The following KCNQ1 variants were observed in gnomAD, a reference collection of about 807,000 sequenced individuals.
KCNQ1 encodes the protein potassium voltage-gated channel subfamily KQT member 1.
In KCNQ1, 49 loss-of-function variants were observed where a neutral mutation model predicts 72.4. The ratio of observed to expected loss-of-function variants is 0.68; its 90% CI spans 0.54 to 0.86. The LOEUF (loss-of-function observed/expected upper bound fraction) is 0.86, where lower values mean the gene tolerates loss of function less well. KCNQ1 is among the 40% of genes least tolerant of loss of function. The probability of loss-of-function intolerance (pLI) is 0.00; values close to 1 mark genes in which losing one functional copy is unlikely to be tolerated. For missense variants in KCNQ1, 790 were observed against 945.1 expected (o/e 0.84, Z 2.15); for synonymous variants, 450 against 412.6 (o/e 1.09, Z -1.10).
At chr11:2,500,561 A>G (rs1039055860) in intron 1 of KCNQ1, among the ~76,000 whole-genome samples, 10 of 152,220 alleles carry the variant, frequency 6.6e-5, no homozygotes, top group Non-Finnish European at 2.9e-5. Context: ...TGTATTATAA[A>G]GACACATGCA....
intron 11 of KCNQ1, among the ~76,000 whole-genome samples, chr11:2,763,455 C>G: frequency 6.6e-6 from 1 of 151,036 alleles, no homozygotes; most frequent in Non-Finnish European, 1.5e-5. Flanking sequence ...GAAAGCAAGA[C>G]AGTAAAGAAG....
Position 2,677,941 on chromosome 11 carries a change from G to A in KCNQ1, c.1514+15860G>A, listed in dbSNP as rs1850322436. On this transcript the variant is annotated intron_variant, in intron 11 of 15. Coordinates refer to ENST00000155840, the MANE Select transcript of KCNQ1 (RefSeq NM_000218.3). This position sits in a 1 kb window ranked among gnomAD's most constrained non-coding sequence, Gnocchi z 4.5. ...TTATCTTCATTCATTTCATAGATGA[G>A]AAATGGTACACTGGAGCTTTAATTT... 1 of 398,408 alleles carries A rather than the reference G, an allele frequency of 2.5e-6. No individual in the cohort carries two copies. Among genetic ancestry groups the A allele is most frequent in the African/African-American group, 2.1e-5 (1 of 48,612 alleles). The allele number at this position is 398,408 out of a possible 1,614,324, so 24.7% of individuals were successfully genotyped here. A position where few individuals can be genotyped will look rare whatever the true frequency, so the allele number is the denominator to read the frequency against.
At position 2,471,324 on chromosome 11, in the gene KCNQ1, C is replaced by G. The variant is rs1056635059; in HGVS notation, c.386+25840C>G. Among the ~76,000 whole-genome samples the G allele has an allele frequency of 6.6e-6, 1 of 151,910 alleles. No individual in the cohort carries two copies. The highest frequency in any genetic ancestry group is 2.4e-5 in the African/African-American group (1 of 41,324). Reference sequence around the variant, plus strand: ...GTACCCCAAATGCTGCTTGCTTCTCCCGCCCTCCTCCCTCTCCCCATCTGC... The same window carrying G: ...GTACCCCAAATGCTGCTTGCTTCTCGCGCCCTCCTCCCTCTCCCCATCTGC... On this transcript the variant is annotated intron_variant, in intron 1 of 15. Transcript: ENST00000155840. The surrounding 1 kb of genome is among the most constrained non-coding windows in gnomAD (Gnocchi z 4.8).
Position 2,690,345 on chromosome 11 carries a change from G to A in KCNQ1, c.1514+28264G>A, listed in dbSNP as rs1850568108. ...ATGATGTCAAGTCTGAGGCTGCCCT[G>A]CAGCTGCTGTTTCCACTACTTGGCA... On this transcript the variant is annotated intron_variant, in intron 11 of 15. Coordinates refer to ENST00000155840, the MANE Select transcript of KCNQ1 (RefSeq NM_000218.3). The surrounding 1 kb of genome is among the most constrained non-coding windows in gnomAD (Gnocchi z 5.1). The A allele has an allele frequency of 2.5e-6, 1 of 398,708 alleles. No individual in the cohort carries two copies. The highest frequency in any genetic ancestry group is 4.4e-6 in the Non-Finnish European group (1 of 226,112). The allele number at this position is 398,708 out of a possible 1,614,324, so 24.7% of individuals were successfully genotyped here. A position where few individuals can be genotyped will look rare whatever the true frequency, so the allele number is the denominator to read the frequency against.
intron 10 of KCNQ1, chr11:2,643,159 A>T (rs1849606061): frequency 2.5e-6 from 1 of 398,170 alleles, no homozygotes; most frequent in Non-Finnish European, 4.4e-6. Flanking sequence ...ACTGGTCTGT[A>T]AATGTCTGTT....
In KCNQ1 at chr11:2,647,378, A is replaced by G. The variant is rs998336976; in HGVS notation, c.1394-14583A>G. The G allele has an allele frequency of 4.5e-5, 18 of 398,252 alleles. No homozygotes were observed. Among genetic ancestry groups the G allele is most frequent in the Non-Finnish European group, 6.6e-5 (15 of 225,996 alleles). 24.7% of individuals were successfully genotyped at this position (398,252 alleles called of 1,614,324 possible). A position where few individuals can be genotyped will look rare whatever the true frequency, so the allele number is the denominator to read the frequency against. On this transcript the variant is annotated intron_variant, in intron 10 of 15. Transcript: ENST00000155840. The surrounding 1 kb of genome is among the most constrained non-coding windows in gnomAD (Gnocchi z 4.0). ...GATGTGCGATTGGATTCAGATTGCTAGTTTGTGTGTCTGTGTGTGTGTTTT... is the reference window on the plus strand; with the variant it reads ...GATGTGCGATTGGATTCAGATTGCTGGTTTGTGTGTCTGTGTGTGTGTTTT...
At position 2,720,232 on chromosome 11, in the gene KCNQ1, C is replaced by T. The variant is rs1851179439; in HGVS notation, c.1515-48612C>T. ...GTGTAAAGAATCGAGAAGCCAAGTGCCCTTGCCATTTGTTATCTTTAAAAA... is the reference window on the plus strand; with the variant it reads ...GTGTAAAGAATCGAGAAGCCAAGTGTCCTTGCCATTTGTTATCTTTAAAAA... On this transcript the variant is annotated intron_variant, in intron 11 of 15. Transcript: ENST00000155840. This position sits in a 1 kb window ranked among gnomAD's most constrained non-coding sequence, Gnocchi z 5.1. Among the ~76,000 whole-genome samples, 1 of 152,170 alleles carries T rather than the reference C, an allele frequency of 6.6e-6. No individual in the cohort carries two copies. The highest frequency in any genetic ancestry group is 6.5e-5 in the Admixed American group (1 of 15,284).
chr11:2,449,809 T>C (rs1000124319), intron 1 of KCNQ1, among the ~76,000 whole-genome samples: 1 of 152,168 alleles, frequency 6.6e-6, no homozygotes, highest in Non-Finnish European at 1.5e-5. Context: ...TAGGCTGGTT[T>C]CAAGTCTGCT....
chr11:2,705,117 A>G (rs535351283), intron 11 of KCNQ1, among the ~76,000 whole-genome samples: 2 of 152,302 alleles, frequency 1.3e-5, no homozygotes, highest in African/African-American at 4.8e-5. Flanking sequence ...CTCAGCCCCC[A>G]TGCAAGAGCA....
rs896759733 is a variant in KCNQ1, at chr11:2,817,290, G to A, written c.1795-30477G>A. ...GTTGCAGTCAGATGTTTTTAACTAC[G>A]TTGGACAGAACCCACGGCGGCCCTT... On this transcript the variant is annotated intron_variant, in intron 15 of 15. Coordinates refer to ENST00000155840, the MANE Select transcript of KCNQ1 (RefSeq NM_000218.3). This position sits in a 1 kb window ranked among gnomAD's most constrained non-coding sequence, Gnocchi z 6.1. 6.6e-6 allele frequency among the ~76,000 whole-genome samples: 1 copy of A among 152,276 alleles called. No homozygotes were observed. Among genetic ancestry groups the A allele is most frequent in the South Asian group, 2.1e-4 (1 of 4,822 alleles).
At chr11:2,755,143 C>T (rs571768213) in intron 11 of KCNQ1, among the ~76,000 whole-genome samples, 1 of 152,234 alleles carries the variant, frequency 6.6e-6, no homozygotes, top group African/African-American at 2.4e-5. Context: ...TAGCCCCTTC[C>T]TCTATCTTCA....
At chr11:2,574,057 A>G (rs2283171) in intron 6 of KCNQ1, among the ~76,000 whole-genome samples, 63,999 of 152,084 alleles carry the variant, frequency 0.42, 16,552 homozygotes, top group African/African-American at 0.71. Context: ...TTATATATGC[A>G]TGGAGCTCAA....
rs1390415924 is a variant in KCNQ1 at position 2,674,621 on chromosome 11, A to G, written c.1514+12540A>G. The G allele has an allele frequency of 5.0e-6, 2 of 398,526 alleles. No homozygotes were observed. Among genetic ancestry groups the G allele is most frequent in the Non-Finnish European group, 8.8e-6 (2 of 226,084 alleles). 24.7% of individuals were successfully genotyped at this position (398,526 alleles called of 1,614,324 possible). A position where few individuals can be genotyped will look rare whatever the true frequency, so the allele number is the denominator to read the frequency against. ...ATAGGCTCTGGCTTAAAACAGTCAC[A>G]GCGAAACATGCCTTTGAATTGGAAA... On this transcript the variant is annotated intron_variant, in intron 11 of 15. Transcript: ENST00000155840. The surrounding 1 kb of genome is among the most constrained non-coding windows in gnomAD (Gnocchi z 5.9).
At position 2,624,438 on chromosome 11, in the gene KCNQ1, A is replaced by G. The variant is rs1226651243; in HGVS notation, c.1393+35584A>G. The G allele has an allele frequency of 1.3e-5, 5 of 398,358 alleles. No homozygotes were observed. The highest frequency in any genetic ancestry group is 4.4e-6 in the Non-Finnish European group (1 of 226,006). 24.7% of individuals were successfully genotyped at this position (398,358 alleles called of 1,614,324 possible). A position where few individuals can be genotyped will look rare whatever the true frequency, so the allele number is the denominator to read the frequency against. On this transcript the variant is annotated intron_variant, in intron 10 of 15. Transcript: ENST00000155840. This position sits in a 1 kb window ranked among gnomAD's most constrained non-coding sequence, Gnocchi z 4.9. ...ATTTTTAACAAAGTCTAGCTTATCA[A>G]TTATTTCTTTCATGAATCATGCCTT...
rs1285500339 is a variant in KCNQ1 at position 2,645,747 on chromosome 11, AG to A, written c.1394-16211del. On this transcript the variant is annotated intron_variant, in intron 10 of 15. Transcript: ENST00000155840. This position sits in a 1 kb window ranked among gnomAD's most constrained non-coding sequence, Gnocchi z 5.8. ...GTGTAAGGGATGTCCATGGGGCTCC[AG>A]GGATGAGATAGAGGGATGTGGGGCC... 27 of 398,720 alleles carry A rather than the reference AG, an allele frequency of 6.8e-5. No individual in the cohort carries two copies. Among genetic ancestry groups the A allele is most frequent in the Non-Finnish European group, 1.1e-4 (24 of 226,262 alleles). 24.7% of individuals were successfully genotyped at this position (398,720 alleles called of 1,614,324 possible). A position where few individuals can be genotyped will look rare whatever the true frequency, so the allele number is the denominator to read the frequency against.
chr11:2,588,836 G>A lies in KCNQ1; in HGVS notation c.1375G>A (p.Asp459Asn), dbSNP rs747704276. ...EERRLDHFSVDGYDSSVRKSP... is the reference protein window; with the variant it reads ...EERRLDHFSVNGYDSSVRKSP... ...GCGGCGGCTGGACCACTTCTCTGTCGACGGCTATGACAGTTCTGGTGAGAA... is the reference window on the plus strand; with the variant it reads ...GCGGCGGCTGGACCACTTCTCTGTCAACGGCTATGACAGTTCTGGTGAGAA... The change falls in exon 10 of 16, where the codon GAC (aspartate) becomes AAC (asparagine). Residue 459 changes from aspartate (D) to asparagine (N), a missense_variant. Asp to Asn is a conservative substitution (Grantham distance 23). Around this residue, in one of 5 missense-constraint regions of KCNQ1, gnomAD observed 178 missense variants for 177.9 expected, o/e 1.00. Transcript: ENST00000155840. This position sits in a 1 kb window ranked among gnomAD's most constrained non-coding sequence, Gnocchi z 5.6. The A allele has an allele frequency of 2.5e-5, 41 of 1,612,032 alleles. No homozygotes were observed. Among genetic ancestry groups the A allele is most frequent in the South Asian group, 5.5e-5 (5 of 90,974 alleles).
intron 11 of KCNQ1, chr11:2,666,236 G>C: frequency 2.5e-6 from 1 of 398,676 alleles, no homozygotes; most frequent in Non-Finnish European, 4.4e-6. Flanking sequence ...GGCCCATTGA[G>C]ATGGGCATGG....
rs12281297 is a variant in KCNQ1 at position 2,847,518 on chromosome 11, A to G, written c.1795-249A>G. On this transcript the variant is annotated intron_variant, in intron 15 of 15. Coordinates refer to ENST00000155840, the MANE Select transcript of KCNQ1 (RefSeq NM_000218.3). ...CCTGAGCCTGAATGCCTGTGGACAC[A>G]TATAGGGACTCCCAGCACGCACGGG... Among the ~76,000 whole-genome samples the G allele has an allele frequency of 0.032, 4,890 of 152,298 alleles. 271 individuals carry two copies. Among genetic ancestry groups the G allele is most frequent in the African/African-American group, 0.11 (4,619 of 41,550 alleles).
In KCNQ1 at chr11:2,824,545, G is replaced by A. The variant is rs184239793; in HGVS notation, c.1795-23222G>A. Among the ~76,000 whole-genome samples the A allele has an allele frequency of 6.6e-5, 10 of 152,306 alleles. No homozygotes were observed. The highest frequency in any genetic ancestry group is 2.1e-4 in the South Asian group (1 of 4,824). On this transcript the variant is annotated intron_variant, in intron 15 of 15. Transcript: ENST00000155840. The surrounding 1 kb of genome is among the most constrained non-coding windows in gnomAD (Gnocchi z 5.9). ...AGTTTAGGCTGCAAGGCTCAGCAGG[G>A]AGATTGGAGCTGAAAACAGAGGCTG...
Sources: allele counts gnomAD v4.1 joint callset (sites outside exome capture counted in the v4.1 genomes callset), GRCh38; gene constraint gnomAD v4.1.1; regional missense constraint gnomAD v4.1.1; non-coding constraint Gnocchi (gnomAD v3.1); transcripts MANE v1.5; gene names NCBI Gene and HGNC (gene_info 2026-07-23, HGNC 2026-07-21).